The following PLSCR1 variants were observed in gnomAD, a reference collection of about 807,000 sequenced individuals.
PLSCR1 encodes phospholipid scramblase 1.
PLSCR1 carries 17 observed loss-of-function variants against 37.8 expected under a neutral mutation model. The observed-to-expected ratio is 0.45, with a 90% CI of 0.31 to 0.68. The LOEUF (loss-of-function observed/expected upper bound fraction) is 0.68. Among genes scored for constraint, PLSCR1 ranks in the 30% least tolerant of loss-of-function variants. The pLI, the probability that PLSCR1 is intolerant of heterozygous loss-of-function variation, is 0.06. For synonymous variants in PLSCR1, 116 were observed against 125.9 expected, an observed-to-expected ratio of 0.92 and a Z score of 0.53; for missense variants, 347 against 380.9, an observed-to-expected ratio of 0.91 and a Z score of 0.74.
intron 4 of PLSCR1, chr3:146,528,119 A>C (rs1310456408): frequency 6.6e-6 from 1 of 152,496 alleles, no homozygotes; most frequent in Non-Finnish European, 1.5e-5. Flanking sequence ...ACTTTATTTA[A>C]ATTTTCTTCC....
At chr3:146,518,684 T>G (rs1487179059) in intron 7 of PLSCR1, among the ~76,000 whole-genome samples, 2 of 152,202 alleles carry the variant, frequency 1.3e-5, no homozygotes, top group African/African-American at 4.8e-5. Flanking sequence ...CCCTTTTTGA[T>G]TACTACAGCA....
chr3:146,521,321 A>T (rs905552158), intron 7 of PLSCR1, among the ~76,000 whole-genome samples: 2 of 152,194 alleles, frequency 1.3e-5, no homozygotes, highest in Non-Finnish European at 2.9e-5. Flanking sequence ...TTTTTATTTG[A>T]CTACATAGGT....
chr3:146,540,190 A>G (rs1447844604), intron 1 of PLSCR1, among the ~76,000 whole-genome samples: 1 of 152,218 alleles, frequency 6.6e-6, no homozygotes, highest in South Asian at 2.1e-4. Context: ...TGTATATTGT[A>G]CCATTGGAAT....
At chr3:146,522,118 TTA>T in intron 5 of PLSCR1, 65 bp from the exon 6 acceptor site, 1 of 934,580 alleles carries the variant, frequency 1.1e-6, no homozygotes, top group South Asian at 1.4e-5. Flanking sequence ...TATCCAGATA[TTA>T]TAATATCTAG....
At chr3:146,529,657 C>T (rs1047644649) in intron 3 of PLSCR1, among the ~76,000 whole-genome samples, 3 of 152,132 alleles carry the variant, frequency 2.0e-5, no homozygotes, top group African/African-American at 4.8e-5. Flanking sequence ...GAACTACAGG[C>T]GCCCACCACC....
intron 3 of PLSCR1, among the ~76,000 whole-genome samples, chr3:146,532,306 A>G (rs1560087802): frequency 6.6e-6 from 1 of 152,218 alleles, no homozygotes; most frequent in Non-Finnish European, 1.5e-5. Context: ...CACCAACCCT[A>G]TAAGAATTTA....
chr3:146,528,771 C>A lies in PLSCR1; in HGVS notation c.155G>T (p.Gly52Val). 6.2e-7 allele frequency: 1 copy of A among 1,614,122 alleles called. No individual in the cohort carries two copies. Among genetic ancestry groups the A allele is most frequent in the Non-Finnish European group, 8.5e-7 (1 of 1,180,010 alleles). ...PQVSYPPPPA[G>V]HSGPGPAGFP... ...GCCAGCTGGGCCAGGACCTGAATGG[C>A]CGGCTGGTGGGGGTGGGTAGCTGAC... The change falls in exon 4 of 9, where the codon GGC becomes GTC. Residue 52 changes from glycine (G) to valine (V), a missense_variant. Gly to Val is a moderately radical substitution (Grantham distance 109, BLOSUM62 -3). Transcript: ENST00000342435.
intron 3 of PLSCR1, among the ~76,000 whole-genome samples, chr3:146,531,635 T>A (rs1264933811): frequency 6.6e-6 from 1 of 152,228 alleles, no homozygotes; most frequent in African/African-American, 2.4e-5. Context: ...ACTAATTGAT[T>A]TAAAATATTT....
At chr3:146,529,523 T>TTA (rs1225128909) in intron 3 of PLSCR1, among the ~76,000 whole-genome samples, 2 of 151,892 alleles carry the variant, frequency 1.3e-5, no homozygotes, top group African/African-American at 2.4e-5. Context: ...TCCATTTTTT[T>TTA]TTTTTTTGAG....
At chr3:146,520,776 T>C (rs1398357434) in intron 7 of PLSCR1, among the ~76,000 whole-genome samples, 2 of 152,080 alleles carry the variant, frequency 1.3e-5, no homozygotes, top group Admixed American at 1.3e-4. Context: ...GCCCCACACA[T>C]CTTTAGTAGA....
chr3:146,530,138 A>G (rs983328875), intron 3 of PLSCR1, among the ~76,000 whole-genome samples: 3 of 152,214 alleles, frequency 2.0e-5, no homozygotes, highest in South Asian at 4.1e-4. Flanking sequence ...TAGCAATTCC[A>G]TAGCAGTGGA....
intron 6 of PLSCR1, 22 bp from the exon 7 acceptor site, chr3:146,521,727 T>A (rs1371838780): frequency 6.3e-7 from 1 of 1,598,598 alleles, no homozygotes; most frequent in Non-Finnish European, 8.6e-7. Flanking sequence ...AAATAATATA[T>A]GTAAATGTAA....
intron 3 of PLSCR1, among the ~76,000 whole-genome samples, chr3:146,529,294 G>T (rs796588376): frequency 2.8e-4 from 43 of 152,228 alleles, no homozygotes; most frequent in African/African-American, 1.0e-3. Context: ...AGAACTGGGG[G>T]TAGTTTTGCC....
intron 3 of PLSCR1, among the ~76,000 whole-genome samples, chr3:146,530,766 A>C (rs73152994): frequency 6.6e-6 from 1 of 152,354 alleles, no homozygotes; most frequent in Non-Finnish European, 1.5e-5. Context: ...GAAGCTGTTC[A>C]TCAAAGGAGG....
At position 146,521,626 on chromosome 3, in the gene PLSCR1, A is replaced by G; in HGVS notation, c.656T>C (p.Ile219Thr). The change falls in exon 7 of 9, where the codon ATT (isoleucine) becomes ACT (threonine). Residue 219 changes from isoleucine to threonine, a missense_variant. Physicochemically the swap from Ile to Thr is moderately conservative, Grantham distance 89 (BLOSUM62 -1). Transcript: ENST00000342435. ...TACATCCTCTCTTTTCTCATTTTGA[A>G]TTGTAAACTTTGGTAGACATGGGTG... ...TWHPCLPKFTIQNEKREDVLK... is the reference protein window; with the variant it reads ...TWHPCLPKFTTQNEKREDVLK... 4 of 1,613,806 alleles carry G rather than the reference A, an allele frequency of 2.5e-6. No individual in the cohort carries two copies. Among genetic ancestry groups the G allele is most frequent in the Non-Finnish European group, 3.4e-6 (4 of 1,179,704 alleles).
intron 5 of PLSCR1, among the ~76,000 whole-genome samples, chr3:146,523,724 C>G (rs746528942): frequency 3.3e-5 from 5 of 152,154 alleles, no homozygotes. Context: ...CTTTGCTGGG[C>G]TAATCTATCT....
chr3:146,531,438 G>A (rs962642550), intron 3 of PLSCR1, among the ~76,000 whole-genome samples: 1 of 152,068 alleles, frequency 6.6e-6, no homozygotes, highest in Non-Finnish European at 1.5e-5. Context: ...AAGATCACTG[G>A]GGTCAGCACA....
At position 146,526,209 on chromosome 3, in the gene PLSCR1, GA is replaced by G. The variant is rs1022411863; in HGVS notation, c.313-563del. On this transcript the variant is annotated intron_variant, in intron 4 of 8. Coordinates refer to ENST00000342435, the MANE Select transcript of PLSCR1 (RefSeq NM_021105.3). ...AAAAAAAAAAAAAAAAAAAAAGAAA[GA>G]AAAAAAAAAGAAAAGAAAATTGATA... Among the ~76,000 whole-genome samples the G allele has an allele frequency of 2.9e-3, 341 of 116,668 alleles. 2 individuals carry two copies. Among genetic ancestry groups the G allele is most frequent in the African/African-American group, 0.011 (323 of 30,466 alleles). The allele number at this position is 116,668 out of a possible 152,430, so 76.5% of individuals were successfully genotyped here. A position where few individuals can be genotyped will look rare whatever the true frequency, so the allele number is the denominator to read the frequency against.
Position 146,521,539 on chromosome 3 carries a change from C to T in PLSCR1, c.738+5G>A. 6.2e-7 allele frequency: 1 copy of T among 1,611,224 alleles called. No individual in the cohort carries two copies. The highest frequency in any genetic ancestry group is 8.5e-7 in the Non-Finnish European group (1 of 1,178,292). On this transcript the variant is annotated splice_donor_5th_base_variant and intron_variant, in intron 7 of 8. Coordinates refer to ENST00000342435, the MANE Select transcript of PLSCR1 (RefSeq NM_021105.3). ...AAATCTTATAAACATTATGACATCT[C>T]TTACCTCAAAATCAACATCTCCACA...
Sources: gnomAD v4.1 joint callset for allele counts (sites outside exome capture counted in the v4.1 genomes callset) on GRCh38, gnomAD v4.1.1 for gene constraint, MANE v1.5 for transcripts, NCBI Gene and HGNC (gene_info 2026-07-23, HGNC 2026-07-21) for gene names.